Variants in CACNA2D1 observed in about 807,000 individuals in gnomAD.
CACNA2D1 encodes the protein calcium voltage-gated channel auxiliary subunit alpha2delta 1.
CACNA2D1 carries 53 observed loss-of-function variants against 171.5 expected under a neutral mutation model. That is an observed-to-expected ratio of 0.31 (90% CI 0.25 to 0.39). The LOEUF is 0.39. Ranked by LOEUF, CACNA2D1 falls within the 10% of genes least tolerant of loss-of-function variation. The pLI is 1.00. For synonymous variants in CACNA2D1, 442 were observed against 443.1 expected (o/e 1.00, Z 0.03); for missense variants, 903 against 1,299.8 (o/e 0.69, Z 4.69).
intron 5 of CACNA2D1, among the ~76,000 whole-genome samples, chr7:82,135,439 G>A (rs1303392667): frequency 1.3e-5 from 2 of 151,754 alleles, no homozygotes; most frequent in African/African-American, 4.8e-5. Context: ...CATGACAAGA[G>A]GAAAGATGTC....
chr7:82,171,169 T>C (rs575009790), intron 3 of CACNA2D1, among the ~76,000 whole-genome samples: 132 of 152,210 alleles, frequency 8.7e-4, no homozygotes, highest in South Asian at 6.6e-3. Context: ...TTAAAATTGC[T>C]TTATTTCACC....
At chr7:82,296,587 C>A in intron 3 of CACNA2D1, among the ~76,000 whole-genome samples, 1 of 152,158 alleles carries the variant, frequency 6.6e-6, no homozygotes. Context: ...ATCTGTTAAA[C>A]TCCTATTCAC....
intron 4 of CACNA2D1, among the ~76,000 whole-genome samples, chr7:82,152,570 TATATC>T (rs1476865216): frequency 6.6e-6 from 1 of 152,038 alleles, no homozygotes; most frequent in Non-Finnish European, 1.5e-5. Flanking sequence ...GAGATAGTAT[TATATC>T]ATTTATATGG....
At chr7:82,168,549 A>G (rs1449107280) in intron 4 of CACNA2D1, among the ~76,000 whole-genome samples, 2 of 152,140 alleles carry the variant, frequency 1.3e-5, no homozygotes, top group African/African-American at 4.8e-5. Context: ...TTGAATTTAG[A>G]GTTTTTGTAT....
intron 20 of CACNA2D1, among the ~76,000 whole-genome samples, chr7:81,991,722 G>A (rs561345957): frequency 2.0e-5 from 3 of 152,190 alleles, no homozygotes; most frequent in Admixed American, 6.5e-5. Context: ...CTGAAGGTTA[G>A]GACAACATCT....
chr7:82,182,998 T>C lies in CACNA2D1; in HGVS notation c.295-12389A>G, dbSNP rs145453582. Among the ~76,000 whole-genome samples the C allele has an allele frequency of 6.0e-3, 892 of 148,374 alleles. 8 individuals are homozygous for C. Among genetic ancestry groups the C allele is most frequent in the Non-Finnish European group, 8.5e-3 (572 of 67,590 alleles). On this transcript the variant is annotated intron_variant, in intron 3 of 38. Transcript: ENST00000356860. ...GATGCAGTAAGCGGAGATTGCACCA[T>C]TGCACTCCAGCCCGGGCAATAGTGT...
intron 25 of CACNA2D1, 129 bp downstream of exon 25, chr7:81,974,326 C>T: frequency 1.8e-6 from 1 of 548,738 alleles, no homozygotes; most frequent in South Asian, 2.3e-5. Context: ...TTACATTTTA[C>T]TATTAAAAAG....
At chr7:82,202,277 TTCC>T (rs1481059298) in intron 3 of CACNA2D1, among the ~76,000 whole-genome samples, 1 of 152,166 alleles carries the variant, frequency 6.6e-6, no homozygotes, top group Non-Finnish European at 1.5e-5. Flanking sequence ...TTCCCTACGA[TTCC>T]TCAAGTGTTC....
intron 10 of CACNA2D1, among the ~76,000 whole-genome samples, chr7:82,059,269 A>G (rs577251641): frequency 5.3e-5 from 8 of 152,294 alleles, no homozygotes; most frequent in Non-Finnish European, 1.2e-4. Context: ...AATTCTATGA[A>G]TTAAAATGAC....
chr7:82,377,786 G>T (rs2129448937), intron 1 of CACNA2D1, among the ~76,000 whole-genome samples: 1 of 152,230 alleles, frequency 6.6e-6, no homozygotes. Context: ...GAAAGCCCAA[G>T]TCCCCTTGTG....
chr7:82,248,888 C>T (rs896048020), intron 3 of CACNA2D1, among the ~76,000 whole-genome samples: 7 of 151,912 alleles, frequency 4.6e-5, no homozygotes, highest in Admixed American at 1.3e-4. Context: ...GAGGCCGAGG[C>T]GGGCGGATCA....
chr7:82,430,077 TAC>T (rs1381312370), intron 1 of CACNA2D1, among the ~76,000 whole-genome samples: 2 of 152,180 alleles, frequency 1.3e-5, no homozygotes, highest in African/African-American at 4.8e-5. Flanking sequence ...ATAAAAATTT[TAC>T]ACATTCTTTT....
At chr7:82,429,190 G>T (rs1160286901) in intron 1 of CACNA2D1, among the ~76,000 whole-genome samples, 6 of 152,088 alleles carry the variant, frequency 3.9e-5, no homozygotes, top group African/African-American at 1.4e-4. Context: ...CTATGTACAT[G>T]TAGCATATCT....
chr7:82,105,520 TA>T (rs1787653031), intron 6 of CACNA2D1, among the ~76,000 whole-genome samples: 1 of 150,742 alleles, frequency 6.6e-6, no homozygotes, highest in Non-Finnish European at 1.5e-5. Flanking sequence ...CTCTGACTTA[TA>T]AAAGGTGTAG....
intron 1 of CACNA2D1, among the ~76,000 whole-genome samples, chr7:82,384,428 C>T (rs376283684): frequency 5.9e-5 from 9 of 152,270 alleles, no homozygotes; most frequent in Middle Eastern, 3.4e-3. Flanking sequence ...AAAGAGAGCT[C>T]TCACCAAAAC....
intron 4 of CACNA2D1, among the ~76,000 whole-genome samples, chr7:82,143,194 A>T (rs1792595007): frequency 6.6e-6 from 1 of 152,172 alleles, no homozygotes; most frequent in Admixed American, 6.5e-5. Context: ...AGAAGATGAA[A>T]AGAAAAAATA....
intron 1 of CACNA2D1, among the ~76,000 whole-genome samples, chr7:82,401,194 TC>T (rs1364520446): frequency 1.3e-5 from 2 of 152,166 alleles, no homozygotes; most frequent in Non-Finnish European, 2.9e-5. Context: ...GACGAAGCCA[TC>T]CCATTACTGG....
In CACNA2D1 at chr7:82,005,505, A is replaced by AC; in HGVS notation, c.1516-9_1516-8insG. On this transcript the variant is annotated splice_polypyrimidine_tract_variant and intron_variant, in intron 17 of 38. Transcript: ENST00000356860. ...ATACCCATTGGGGCACAGCTGGAAA[A>AC]GAAAAAAAAAAAAAAGCTTGGATAT... 1.9e-6 allele frequency: 3 copies of AC among 1,541,586 alleles called. No individual in the cohort carries two copies. The highest frequency in any genetic ancestry group is 2.8e-5 in the African/African-American group (2 of 72,224).
chr7:82,392,629 C>G (rs1308246511), intron 1 of CACNA2D1, among the ~76,000 whole-genome samples: 1 of 152,128 alleles, frequency 6.6e-6, no homozygotes, highest in East Asian at 1.9e-4. Flanking sequence ...GCATTGCTGG[C>G]CACAGAAGTC....
Sources: allele counts gnomAD v4.1 joint callset (sites outside exome capture counted in the v4.1 genomes callset), GRCh38; gene constraint gnomAD v4.1.1; transcripts MANE v1.5; gene names NCBI Gene and HGNC (gene_info 2026-07-23, HGNC 2026-07-21).